SCHIP1: variants seen among roughly 807,000 people sequenced by gnomAD.
The protein encoded by SCHIP1 is schwannomin interacting protein 1, also known as schwannomin-interacting protein 1.
A neutral mutation model predicts 29.7 loss-of-function variants in SCHIP1; 8 were observed. The observed-to-expected ratio is 0.27, with a 90% CI of 0.16 to 0.49. The LOEUF (loss-of-function observed/expected upper bound fraction) is 0.49. Among genes scored for constraint, SCHIP1 ranks in the 20% least tolerant of loss-of-function variants. The pLI is 0.99. For synonymous variants in SCHIP1, 76 were observed against 94.9 expected, an observed-to-expected ratio of 0.80 and a Z score of 1.16; for missense variants, 193 against 294.6, an observed-to-expected ratio of 0.66 and a Z score of 2.52.
At chr3:159,877,241 T>C (rs1488659360) in intron 2 of SCHIP1, among the ~76,000 whole-genome samples, 1 of 152,036 alleles carries the variant, frequency 6.6e-6, no homozygotes, top group Admixed American at 6.6e-5. Flanking sequence ...TCCCAGCTAC[T>C]CAGGAGGCTG....
chr3:159,825,108 T>C, the SCHIP1 span, among the ~76,000 whole-genome samples: 1 of 152,236 alleles, frequency 6.6e-6, no homozygotes, highest in African/African-American at 2.4e-5. Context: ...AGTGTACAAG[T>C]TGGCAATATT....
chr3:159,430,337 A>G, the SCHIP1 span, among the ~76,000 whole-genome samples: 4 of 152,200 alleles, frequency 2.6e-5, no homozygotes, highest in South Asian at 8.3e-4. Flanking sequence ...ATGATGCACA[A>G]AAATGGAGTA....
chr3:159,275,841 T>C, the SCHIP1 span, among the ~76,000 whole-genome samples: 2 of 152,200 alleles, frequency 1.3e-5, no homozygotes, highest in African/African-American at 4.8e-5. Flanking sequence ...TCTTTTCTTT[T>C]TTAAATAACA....
chr3:159,359,713 A>C, the SCHIP1 span, among the ~76,000 whole-genome samples: 2 of 152,230 alleles, frequency 1.3e-5, no homozygotes, highest in East Asian at 3.8e-4. Context: ...TTATGCTTCA[A>C]ACCAATAATG....
chr3:159,508,433 A>AT, the SCHIP1 span, among the ~76,000 whole-genome samples: 3 of 151,976 alleles, frequency 2.0e-5, no homozygotes, highest in South Asian at 2.1e-4. Flanking sequence ...GGATTCATTG[A>AT]TTTTTTGAAG....
the SCHIP1 span, among the ~76,000 whole-genome samples, chr3:159,695,974 G>C: frequency 3.3e-5 from 5 of 151,748 alleles, no homozygotes; most frequent in Admixed American, 2.0e-4. Context: ...TTGCCCTACC[G>C]CACCCCCCAC....
At chr3:159,419,688 A>G in the SCHIP1 span, among the ~76,000 whole-genome samples, 1 of 152,138 alleles carries the variant, frequency 6.6e-6, no homozygotes, top group African/African-American at 2.4e-5. Context: ...AGGTGCCTGT[A>G]ATCCCAGCTA....
the SCHIP1 span, among the ~76,000 whole-genome samples, chr3:159,332,480 A>G: frequency 6.6e-6 from 1 of 152,072 alleles, no homozygotes. Flanking sequence ...CTTCTATTTC[A>G]CTGTTTATGA....
At chr3:159,805,933 C>G in the SCHIP1 span, among the ~76,000 whole-genome samples, 7 of 151,862 alleles carry the variant, frequency 4.6e-5, no homozygotes, top group African/African-American at 1.7e-4. Flanking sequence ...CTCAGCGTCC[C>G]GAGTAGCTGG....
At chr3:159,646,173 G>T in the SCHIP1 span, among the ~76,000 whole-genome samples, 7,603 of 152,228 alleles carry the variant, frequency 0.05, 244 homozygotes, top group Non-Finnish European at 0.074. Flanking sequence ...GATGGGGGAA[G>T]ATGCATCTCA....
the SCHIP1 span, among the ~76,000 whole-genome samples, chr3:159,599,587 CT>C: frequency 6.6e-6 from 1 of 152,090 alleles, no homozygotes; most frequent in African/African-American, 2.4e-5. Flanking sequence ...TATTTTGTTC[CT>C]TTTTGTGACT....
the SCHIP1 span, among the ~76,000 whole-genome samples, chr3:159,593,905 T>C: frequency 2.0e-5 from 3 of 152,242 alleles, no homozygotes; most frequent in African/African-American, 7.2e-5. Flanking sequence ...CCAGAGCTCC[T>C]GGCTCAGCTA....
At chr3:159,312,401 A>G in the SCHIP1 span, among the ~76,000 whole-genome samples, 6,359 of 152,230 alleles carry the variant, frequency 0.042, 430 homozygotes, top group African/African-American at 0.15. Flanking sequence ...GCCTTAGGTT[A>G]AAAACAGTCA....
At chr3:159,534,735 C>G in the SCHIP1 span, among the ~76,000 whole-genome samples, 1 of 152,132 alleles carries the variant, frequency 6.6e-6, no homozygotes, top group East Asian at 1.9e-4. Context: ...GAGAGGGAAA[C>G]AGATTGGGAA....
At chr3:159,594,446 C>T in the SCHIP1 span, among the ~76,000 whole-genome samples, 1 of 152,150 alleles carries the variant, frequency 6.6e-6, no homozygotes, top group East Asian at 1.9e-4. Context: ...AAATATTGGA[C>T]TCAGTCCATT....
the SCHIP1 span, among the ~76,000 whole-genome samples, chr3:159,730,015 C>T: frequency 6.6e-6 from 1 of 152,178 alleles, no homozygotes; most frequent in African/African-American, 2.4e-5. Context: ...TTTATATCTA[C>T]ACTATATCTA....
the SCHIP1 span, among the ~76,000 whole-genome samples, chr3:159,756,377 A>C: frequency 6.6e-6 from 1 of 152,188 alleles, no homozygotes; most frequent in Non-Finnish European, 1.5e-5. Flanking sequence ...CCTGAGCTCT[A>C]TGTTGGCCCT....
At chr3:159,276,221 C>T in the SCHIP1 span, among the ~76,000 whole-genome samples, 3 of 152,180 alleles carry the variant, frequency 2.0e-5, no homozygotes, top group Non-Finnish European at 4.4e-5. Context: ...AGAAGCAACT[C>T]CCCTAGCTAC....
chr3:159,749,175 G>A, the SCHIP1 span, among the ~76,000 whole-genome samples: 1 of 151,872 alleles, frequency 6.6e-6, no homozygotes, highest in Non-Finnish European at 1.5e-5. Flanking sequence ...CTGGGGGAGA[G>A]GAAATGTATG....
Sources: gnomAD v4.1 joint callset for allele counts (sites outside exome capture counted in the v4.1 genomes callset) on GRCh38, gnomAD v4.1.1 for gene constraint, MANE v1.5 for transcripts, NCBI Gene and HGNC (gene_info 2026-07-23, HGNC 2026-07-21) for gene names.